KMT2C: variants seen among roughly 807,000 people sequenced by gnomAD.
The protein encoded by KMT2C is lysine methyltransferase 2C.
A neutral mutation model predicts 507.9 loss-of-function variants in KMT2C; 88 were observed. That is an observed-to-expected ratio of 0.17 (90% CI 0.15 to 0.21). KMT2C has a LOEUF of 0.21. Among genes scored for constraint, KMT2C ranks in the 10% least tolerant of loss-of-function variants. The probability of loss-of-function intolerance (pLI) is 1.00; values close to 1 mark genes in which losing one functional copy is unlikely to be tolerated. For synonymous variants in KMT2C, 2,049 were observed against 2,080.8 expected, an observed-to-expected ratio of 0.98 and a Z score of 0.42; for missense variants, 4,954 against 5,957.8, an observed-to-expected ratio of 0.83 and a Z score of 5.55.
At chr7:152,204,858 A>G (rs1485551411) in intron 25 of KMT2C, among the ~76,000 whole-genome samples, 4 of 152,046 alleles carry the variant, frequency 2.6e-5, no homozygotes, top group Non-Finnish European at 4.4e-5. Context: ...AAAAATCTCA[A>G]AAGAATAAAG....
At position 152,305,088 on chromosome 7, in the gene KMT2C, A is replaced by G. The variant is rs148734594; in HGVS notation, c.849+4878T>C. Among the ~76,000 whole-genome samples, 222 of 152,306 alleles carry G rather than the reference A, an allele frequency of 1.5e-3. 1 individual carries two copies. The highest frequency in any genetic ancestry group is 5.1e-3 in the African/African-American group (210 of 41,572). ...AGAACTTATTTGCTGCCTATGAATG[A>G]TTCCATGAATGATCTTCAGTGCTAT... On this transcript the variant is annotated intron_variant, in intron 6 of 58. Coordinates refer to ENST00000262189, the MANE Select transcript of KMT2C (RefSeq NM_170606.3).
At chr7:152,182,838 C>G in intron 35 of KMT2C, 136 bp downstream of exon 35, 2 of 679,842 alleles carry the variant, frequency 2.9e-6, no homozygotes, top group Non-Finnish European at 4.7e-6. Context: ...ATATATTTTA[C>G]TGAAAAGAGA....
chr7:152,375,443 T>TG, intron 1 of KMT2C, among the ~76,000 whole-genome samples: 1 of 152,034 alleles, frequency 6.6e-6, no homozygotes, highest in East Asian at 1.9e-4. Flanking sequence ...TGGGGTGCAG[T>TG]GGGATGATCT....
intron 1 of KMT2C, among the ~76,000 whole-genome samples, chr7:152,410,092 T>A (rs1405123554): frequency 6.6e-6 from 1 of 152,218 alleles, no homozygotes; most frequent in East Asian, 1.9e-4. Context: ...TCTTTCCCTG[T>A]TTACAAACCT....
Position 152,178,015 on chromosome 7 carries a change from T to TATAAA in KMT2C, c.7443-6_7443-5insTTTAT. 1 of 777,676 alleles carries TATAAA rather than the reference T, an allele frequency of 1.3e-6. No individual in the cohort carries two copies. The highest frequency in any genetic ancestry group is 1.5e-6 in the Non-Finnish European group (1 of 655,166). 48.2% of individuals were successfully genotyped at this position (777,676 alleles called of 1,614,324 possible). A position where few individuals can be genotyped will look rare whatever the true frequency, so the allele number is the denominator to read the frequency against. On this transcript the variant is annotated splice_polypyrimidine_tract_variant and splice_region_variant and intron_variant, in intron 37 of 58. Transcript: ENST00000262189. ...CTACCTCCTGGAAATCCAAATCTTTTAAAAAAAAAAAAAAAAAAAAAAAAA... is the reference window on the plus strand; with the variant it reads ...CTACCTCCTGGAAATCCAAATCTTTTATAAAAAAAAAAAAAAAAAAAAAAAAAAAA...
chr7:152,378,370 C>T (rs1000865444), intron 1 of KMT2C, among the ~76,000 whole-genome samples: 2 of 152,262 alleles, frequency 1.3e-5, no homozygotes, highest in Non-Finnish European at 2.9e-5. Context: ...GATCAGTCAG[C>T]AGCCACCAAC....
chr7:152,233,509 G>A (rs986780258), intron 16 of KMT2C, among the ~76,000 whole-genome samples: 26 of 151,760 alleles, frequency 1.7e-4, no homozygotes, highest in African/African-American at 6.1e-4. Context: ...AAATAAAGAT[G>A]ATAATAAAAA....
At chr7:152,325,610 A>C (rs2096821179) in intron 3 of KMT2C, among the ~76,000 whole-genome samples, 1 of 151,138 alleles carries the variant, frequency 6.6e-6, no homozygotes, top group Admixed American at 6.6e-5. Context: ...AGTCCTACTA[A>C]TTTTTGTATT....
intron 14 of KMT2C, among the ~76,000 whole-genome samples, chr7:152,241,241 C>G (rs1463599514): frequency 6.6e-6 from 1 of 152,112 alleles, no homozygotes; most frequent in African/African-American, 2.4e-5. Flanking sequence ...GCTCTGTCAC[C>G]CAGGCTAGAG....
At position 152,167,204 on chromosome 7, in the gene KMT2C, G is replaced by A. The variant is rs2129106574; in HGVS notation, c.9692C>T (p.Ala3231Val). ...TTCAGTAACATGCTTGAGTTGTTCT[G>A]CATCTTCCTCTGGAAATTCACGCCC... ...KAGREFPEED[A>V]EQLKHVTEQQ... is the part of the protein sequence containing the mutation. Residue 3231 changes from alanine to valine, a missense_variant, in exon 42 of 59, where the codon GCA becomes GTA. Ala to Val is a moderately conservative substitution (Grantham distance 64). Coordinates refer to ENST00000262189, the MANE Select transcript of KMT2C (RefSeq NM_170606.3). 1 of 1,614,074 alleles carries A rather than the reference G, an allele frequency of 6.2e-7. No homozygotes were observed. Among genetic ancestry groups the A allele is most frequent in the Non-Finnish European group, 8.5e-7 (1 of 1,180,012 alleles).
Position 152,333,732 on chromosome 7 carries a change from G to GA in KMT2C, c.251-2994dup, listed in dbSNP as rs565593706. Among the ~76,000 whole-genome samples, 981 of 152,160 alleles carry GA rather than the reference G, an allele frequency of 6.4e-3. 13 individuals are homozygous for GA. The highest frequency in any genetic ancestry group is 0.021 in the African/African-American group (880 of 41,516). On this transcript the variant is annotated intron_variant, in intron 2 of 58. Transcript: ENST00000262189. The stretch of plus-strand genomic sequence containing the variant: ...TTGTATAACTATTCTTGGGTAGTTA[G>GA]AAAAAACTACAAATAATTGTAAATC...
intron 40 of KMT2C, among the ~76,000 whole-genome samples, chr7:152,170,584 C>T (rs2092920099): frequency 6.6e-6 from 1 of 152,080 alleles, no homozygotes; most frequent in Non-Finnish European, 1.5e-5. Context: ...CTCACTGCAA[C>T]CTCTGCCTCC....
intron 1 of KMT2C, among the ~76,000 whole-genome samples, chr7:152,420,442 T>A (rs182897616): frequency 1.3e-5 from 2 of 152,352 alleles, no homozygotes; most frequent in Admixed American, 1.3e-4. Flanking sequence ...GTGTTTGGAA[T>A]GTTCTGCACA....
intron 8 of KMT2C, among the ~76,000 whole-genome samples, chr7:152,264,061 T>C (rs1646479054): frequency 6.6e-6 from 1 of 152,192 alleles, no homozygotes; most frequent in Admixed American, 6.5e-5. Context: ...CGTGGAAAGA[T>C]CTTGGAGGAC....
At chr7:152,197,511 G>A (rs1039630847) in intron 27 of KMT2C, among the ~76,000 whole-genome samples, 1 of 151,970 alleles carries the variant, frequency 6.6e-6, no homozygotes, top group Non-Finnish European at 1.5e-5. Context: ...AGTTTTGCGT[G>A]CCCAAATATC....
intron 2 of KMT2C, among the ~76,000 whole-genome samples, chr7:152,353,349 G>A (rs2097128681): frequency 1.3e-5 from 2 of 152,144 alleles, no homozygotes; most frequent in Non-Finnish European, 2.9e-5. Context: ...GCTTGAACCC[G>A]GGAGGCAGAG....
intron 3 of KMT2C, among the ~76,000 whole-genome samples, chr7:152,325,151 C>T (rs1368344496): frequency 6.6e-6 from 1 of 151,424 alleles, no homozygotes; most frequent in Admixed American, 6.6e-5. Context: ...TTAATCAATC[C>T]TTTTCTTTTC....
At chr7:152,434,858 A>G (rs2097901359) in intron 1 of KMT2C, among the ~76,000 whole-genome samples, 1 of 152,134 alleles carries the variant, frequency 6.6e-6, no homozygotes, top group African/African-American at 2.4e-5. Flanking sequence ...GGGAAGCGAC[A>G]TTTACATCTG....
rs12667417 is a variant in KMT2C, at chr7:152,389,472, T to A, written c.162-30797A>T. ...GTTTACACTATTTAAATTTTCTAAT[T>A]ATTTACTTTTTTTTTTTTTAAATAC... On this transcript the variant is annotated intron_variant, in intron 1 of 58. Transcript: ENST00000262189. Among the ~76,000 whole-genome samples, 15 of 152,178 alleles carry A rather than the reference T, an allele frequency of 9.9e-5. No individual in the cohort carries two copies. In the East Asian group the frequency reaches 2.9e-3, roughly 29 times the overall value.
Sources: gnomAD v4.1 joint callset for allele counts (sites outside exome capture counted in the v4.1 genomes callset) on GRCh38, gnomAD v4.1.1 for gene constraint, MANE v1.5 for transcripts, NCBI Gene and HGNC (gene_info 2026-07-23, HGNC 2026-07-21) for gene names.